Variants in NLN observed in about 807,000 individuals in gnomAD.
NLN encodes neurolysin, mitochondrial.
In NLN, 64 loss-of-function variants were observed where a neutral mutation model predicts 79.9. The ratio of observed to expected loss-of-function variants is 0.80; its 90% CI spans 0.65 to 0.99. The LOEUF (loss-of-function observed/expected upper bound fraction) is 0.99, where lower values mean the gene tolerates loss of function less well. Ranked by LOEUF, NLN falls within the 50% of genes least tolerant of loss-of-function variation. The pLI, the probability that NLN is intolerant of heterozygous loss-of-function variation, is 0.00. For synonymous variants in NLN, 267 were observed against 296.6 expected (o/e 0.90, Z 1.02); for missense variants, 835 against 858.7 (o/e 0.97, Z 0.34).
chr5:65,725,184 C>A (rs1758441043), intron 1 of NLN, among the ~76,000 whole-genome samples: 1 of 152,188 alleles, frequency 6.6e-6, no homozygotes, highest in Non-Finnish European at 1.5e-5. Context: ...TCTGCCTCTG[C>A]ATTTAAGCTG....
Position 65,809,516 on chromosome 5 carries a change from C to A in NLN, c.1529C>A (p.Thr510Asn), listed in dbSNP as rs752265463. 1.3e-6 allele frequency: 2 copies of A among 1,589,024 alleles called. No individual in the cohort carries two copies. Among genetic ancestry groups the A allele is most frequent in the Non-Finnish European group, 1.7e-6 (2 of 1,170,958 alleles). The change falls in exon 10 of 13, where the codon ACT (threonine) becomes AAT (asparagine). Residue 510 changes from threonine to asparagine, a missense_variant and splice_region_variant. Thr to Asn is a moderately conservative substitution (Grantham distance 65). Coordinates refer to ENST00000380985, the MANE Select transcript of NLN (RefSeq NM_020726.5). ...GHVMHQICAQ[T>N]DFARFSGTNV... is the part of the protein sequence containing the mutation. ...AAATTCTCTGTGTTTGCTTTCTAGACTGATTTTGCACGATTTAGCGGAACA... is the reference window on the plus strand; with the variant it reads ...AAATTCTCTGTGTTTGCTTTCTAGAATGATTTTGCACGATTTAGCGGAACA...
At chr5:65,756,372 C>T (rs1039520068) in intron 1 of NLN, among the ~76,000 whole-genome samples, 7 of 152,152 alleles carry the variant, frequency 4.6e-5, no homozygotes, top group Non-Finnish European at 7.4e-5. Context: ...TCACCTCCAC[C>T]GCCTCCATCC....
intron 3 of NLN, among the ~76,000 whole-genome samples, chr5:65,766,937 G>A (rs188032037): frequency 1.6e-4 from 24 of 152,346 alleles, no homozygotes; most frequent in Non-Finnish European, 2.5e-4. Context: ...CATCCAGGGC[G>A]CACTGATCCA....
chr5:65,742,965 T>C (rs1758903017), intron 1 of NLN, among the ~76,000 whole-genome samples: 1 of 152,236 alleles, frequency 6.6e-6, no homozygotes, highest in African/African-American at 2.4e-5. Context: ...TTTCATCACT[T>C]TCCTATACTC....
chr5:65,797,682 A>G (rs537815289), intron 9 of NLN, among the ~76,000 whole-genome samples: 60 of 152,368 alleles, frequency 3.9e-4, no homozygotes, highest in Middle Eastern at 3.4e-3. Context: ...GGAAAAGCAT[A>G]AGGAGCCATA....
At chr5:65,759,254 C>T (rs190477372) in intron 2 of NLN, among the ~76,000 whole-genome samples, 1 of 152,164 alleles carries the variant, frequency 6.6e-6, no homozygotes, top group Non-Finnish European at 1.5e-5. Flanking sequence ...CTCTGTAATG[C>T]TGTATAACCA....
chr5:65,735,212 T>C (rs2150735008), intron 1 of NLN, among the ~76,000 whole-genome samples: 1 of 152,060 alleles, frequency 6.6e-6, no homozygotes, highest in Admixed American at 6.5e-5. Context: ...TCTGCCATGA[T>C]TCTAAGTTTC....
chr5:65,806,600 T>G (rs549502913), intron 9 of NLN, among the ~76,000 whole-genome samples: 27 of 152,038 alleles, frequency 1.8e-4, no homozygotes, highest in Admixed American at 1.6e-3. Flanking sequence ...AGATGAGGAG[T>G]TGCTTCTTAA....
At chr5:65,749,133 A>G (rs1759049797) in intron 1 of NLN, among the ~76,000 whole-genome samples, 1 of 152,208 alleles carries the variant, frequency 6.6e-6, no homozygotes, top group South Asian at 2.1e-4. Context: ...GCCATGTGGA[A>G]CTGTGAGTCC....
chr5:65,722,733 C>A, intron 1 of NLN: 1 of 385,064 alleles, frequency 2.6e-6, no homozygotes, highest in Non-Finnish European at 4.8e-6. Context: ...ATTTCACGTT[C>A]AATCCCAATG....
intron 2 of NLN, among the ~76,000 whole-genome samples, chr5:65,760,968 T>C (rs1759324489): frequency 6.6e-6 from 1 of 152,244 alleles, no homozygotes; most frequent in South Asian, 2.1e-4. Context: ...TTTTTGAGTT[T>C]AGGAATAGAT....
At chr5:65,813,712 A>G (rs1760606390) in intron 12 of NLN, among the ~76,000 whole-genome samples, 1 of 152,136 alleles carries the variant, frequency 6.6e-6, no homozygotes. Context: ...GGATCGCTCA[A>G]GTCCAGGAAT....
rs1760915693 is a variant in NLN at position 65,826,159 on chromosome 5, A to C, written c.*3244A>C. The stretch of plus-strand genomic sequence containing the variant: ...GTTACAAATAGCTCTGTAGAGAGCC[A>C]TGGGAAGAGACAGGAGGCAGATGTG... On this transcript the variant is annotated 3_prime_UTR_variant, in exon 13 of 13. Transcript: ENST00000380985. 1 of 152,258 alleles carries C rather than the reference A, an allele frequency of 6.6e-6. No homozygotes were observed. The highest frequency in any genetic ancestry group is 1.5e-5 in the Non-Finnish European group (1 of 68,084). 9.4% of individuals were successfully genotyped at this position (152,258 alleles called of 1,614,324 possible).
rs571111386 is a variant in NLN at position 65,822,977 on chromosome 5, G to A, written c.*62G>A. 21 of 1,403,476 alleles carry A rather than the reference G, an allele frequency of 1.5e-5. 1 individual carries two copies. In the South Asian group the frequency reaches 2.6e-4, roughly 18 times the overall value. 86.9% of individuals were successfully genotyped at this position (1,403,476 alleles called of 1,614,324 possible). A position where few individuals can be genotyped will look rare whatever the true frequency, so the allele number is the denominator to read the frequency against. ...CAAGTCGACATCACCATGTGTTACT[G>A]GCCTGGAAACTGAAGGGAGTTTTGC... is the stretch of plus-strand genomic sequence containing the variant. On this transcript the variant is annotated 3_prime_UTR_variant, in exon 13 of 13. Coordinates refer to ENST00000380985, the MANE Select transcript of NLN (RefSeq NM_020726.5).
At chr5:65,738,987 T>TAAA (rs1483825965) in intron 1 of NLN, among the ~76,000 whole-genome samples, 4 of 5,404 alleles carry the variant, frequency 7.4e-4, no homozygotes, top group African/African-American at 1.6e-3. Flanking sequence ...ATATTATATA[T>TAAA]TTATATATAT....
chr5:65,821,512 T>TA (rs1264998063), intron 12 of NLN, among the ~76,000 whole-genome samples: 1 of 152,214 alleles, frequency 6.6e-6, no homozygotes, highest in African/African-American at 2.4e-5. Flanking sequence ...CTATTGTAGA[T>TA]ATAGTGGTTT....
At chr5:65,808,139 G>T (rs1332076611) in intron 9 of NLN, among the ~76,000 whole-genome samples, 1 of 152,176 alleles carries the variant, frequency 6.6e-6, no homozygotes, top group East Asian at 1.9e-4. Flanking sequence ...AGTTATCCTT[G>T]CCCCTTTAAT....
chr5:65,741,974 G>A (rs910309267), intron 1 of NLN, among the ~76,000 whole-genome samples: 3 of 151,994 alleles, frequency 2.0e-5, no homozygotes, highest in Non-Finnish European at 4.4e-5. Context: ...TGAGATTTTT[G>A]TTCAACTTTG....
At chr5:65,790,440 G>T (rs1394815167) in intron 8 of NLN, among the ~76,000 whole-genome samples, 1 of 152,196 alleles carries the variant, frequency 6.6e-6, no homozygotes, top group Admixed American at 6.5e-5. Context: ...GGAGACCTCA[G>T]GAAACTTACA....
Sources: gnomAD v4.1 joint callset for allele counts (sites outside exome capture counted in the v4.1 genomes callset) on GRCh38, gnomAD v4.1.1 for gene constraint, MANE v1.5 for transcripts, NCBI Gene and HGNC (gene_info 2026-07-23, HGNC 2026-07-21) for gene names.